The following NKAIN2 variants were observed in gnomAD, a reference collection of about 807,000 sequenced individuals.
NKAIN2 encodes sodium/potassium transporting ATPase interacting 2, also known as sodium/potassium-transporting ATPase subunit beta-1-interacting protein 2.
In NKAIN2, 14 loss-of-function variants were observed where a neutral mutation model predicts 32.6. The observed-to-expected ratio is 0.43, with a 90% CI of 0.28 to 0.67. NKAIN2 has a LOEUF of 0.67. Among genes scored for constraint, NKAIN2 ranks in the 30% least tolerant of loss-of-function variants. The pLI is 0.17. For missense variants in NKAIN2, 198 were observed against 258.3 expected (o/e 0.77, Z 1.60); for synonymous variants, 80 against 87.2 (o/e 0.92, Z 0.46).
intron 1 of NKAIN2, among the ~76,000 whole-genome samples, chr6:124,072,614 A>T (rs1483363931): frequency 4.6e-5 from 7 of 152,128 alleles, no homozygotes. Context: ...CTTATGCCAG[A>T]CCTCTAGGCC....
At chr6:124,569,576 C>T (rs1017380128) in intron 3 of NKAIN2, among the ~76,000 whole-genome samples, 2 of 152,062 alleles carry the variant, frequency 1.3e-5, no homozygotes, top group East Asian at 1.9e-4. Context: ...GAATAAGGCT[C>T]GTGAGATCTG....
At chr6:124,097,990 A>G (rs1784715352) in intron 1 of NKAIN2, among the ~76,000 whole-genome samples, 1 of 152,032 alleles carries the variant, frequency 6.6e-6, no homozygotes, top group Non-Finnish European at 1.5e-5. Context: ...TATTTTTCCC[A>G]AGTTAGTCAC....
At chr6:124,580,346 G>A (rs1258714496) in intron 3 of NKAIN2, among the ~76,000 whole-genome samples, 2 of 152,144 alleles carry the variant, frequency 1.3e-5, no homozygotes, top group Admixed American at 6.6e-5. Flanking sequence ...AAATTAAAAT[G>A]TGGGGAACAA....
intron 1 of NKAIN2, among the ~76,000 whole-genome samples, chr6:123,893,780 T>G (rs957904295): frequency 3.3e-5 from 5 of 152,216 alleles, no homozygotes; most frequent in African/African-American, 1.2e-4. Flanking sequence ...ACCCTTGGCT[T>G]TCATGCCCAT....
intron 4 of NKAIN2, among the ~76,000 whole-genome samples, chr6:124,770,200 G>C (rs1396841555): frequency 6.6e-6 from 1 of 152,066 alleles, no homozygotes; most frequent in Non-Finnish European, 1.5e-5. Flanking sequence ...ATTTAAAACT[G>C]CCTAACTAAA....
intron 3 of NKAIN2, among the ~76,000 whole-genome samples, chr6:124,451,106 A>T (rs953767244): frequency 6.6e-6 from 1 of 152,140 alleles, no homozygotes; most frequent in African/African-American, 2.4e-5. Flanking sequence ...TTTTATCATG[A>T]TTATTCTAGG....
At chr6:124,239,057 G>T (rs770357739) in intron 1 of NKAIN2, among the ~76,000 whole-genome samples, 2 of 152,044 alleles carry the variant, frequency 1.3e-5, no homozygotes, top group African/African-American at 4.8e-5. Context: ...AAAATAAAGG[G>T]ATGGAGGAAT....
At chr6:123,999,842 C>T (rs1436164008) in intron 1 of NKAIN2, among the ~76,000 whole-genome samples, 3 of 151,988 alleles carry the variant, frequency 2.0e-5, no homozygotes, top group Admixed American at 2.0e-4. Context: ...TGGCAGGGTC[C>T]TTGGGATTTC....
At chr6:124,304,158 A>G (rs1051645780) in intron 2 of NKAIN2, among the ~76,000 whole-genome samples, 1 of 152,186 alleles carries the variant, frequency 6.6e-6, no homozygotes, top group Non-Finnish European at 1.5e-5. Flanking sequence ...GACACGGTAG[A>G]TTTGTTTAGT....
intron 3 of NKAIN2, among the ~76,000 whole-genome samples, chr6:124,506,547 T>C (rs935361151): frequency 6.6e-6 from 1 of 152,142 alleles, no homozygotes; most frequent in Non-Finnish European, 1.5e-5. Flanking sequence ...TCCCAGACAG[T>C]AGAATTTAAC....
intron 2 of NKAIN2, among the ~76,000 whole-genome samples, chr6:124,306,313 A>G (rs1427190109): frequency 6.6e-6 from 1 of 152,168 alleles, no homozygotes; most frequent in Admixed American, 6.5e-5. Flanking sequence ...TAGCCTTTAT[A>G]ACTTCAAAAA....
At chr6:124,331,244 A>G (rs1797636966) in intron 2 of NKAIN2, among the ~76,000 whole-genome samples, 1 of 149,616 alleles carries the variant, frequency 6.7e-6, no homozygotes, top group Non-Finnish European at 1.5e-5. Flanking sequence ...GCTCACGCCT[A>G]TAATCCCAGC....
At chr6:124,805,944 G>A (rs1780529274) in intron 5 of NKAIN2, among the ~76,000 whole-genome samples, 1 of 152,132 alleles carries the variant, frequency 6.6e-6, no homozygotes, top group African/African-American at 2.4e-5. Flanking sequence ...AGAGAAAAAA[G>A]AATAAAAAGA....
At chr6:123,878,268 C>T (rs1408433556) in intron 1 of NKAIN2, among the ~76,000 whole-genome samples, 1 of 152,032 alleles carries the variant, frequency 6.6e-6, no homozygotes, top group East Asian at 1.9e-4. Context: ...TAGAAAAATA[C>T]ATAATATTTT....
intron 4 of NKAIN2, among the ~76,000 whole-genome samples, chr6:124,686,911 C>T (rs1773913692): frequency 6.6e-6 from 1 of 151,992 alleles, no homozygotes; most frequent in African/African-American, 2.4e-5. Flanking sequence ...ATCTAATAAG[C>T]TGCCAGCAAA....
chr6:123,972,292 C>T (rs1258737676), intron 1 of NKAIN2, among the ~76,000 whole-genome samples: 1 of 152,204 alleles, frequency 6.6e-6, no homozygotes, highest in African/African-American at 2.4e-5. Context: ...CACCCATAAC[C>T]TCCATATTGT....
chr6:124,032,179 C>T (rs12210338), intron 1 of NKAIN2, among the ~76,000 whole-genome samples: 23,075 of 146,610 alleles, frequency 0.16, 2,239 homozygotes, highest in Admixed American at 0.25. Flanking sequence ...AACCAAACCA[C>T]ATGTTCTCAC....
chr6:124,527,199 T>A (rs907939743), intron 3 of NKAIN2, among the ~76,000 whole-genome samples: 11 of 152,170 alleles, frequency 7.2e-5, no homozygotes, highest in Non-Finnish European at 1.5e-4. Context: ...GCCTATGGAA[T>A]AAGGGAATAA....
chr6:123,808,006 T>C (rs1029179354), intron 1 of NKAIN2, among the ~76,000 whole-genome samples: 2 of 152,186 alleles, frequency 1.3e-5, no homozygotes, highest in African/African-American at 4.8e-5. Context: ...ACATATTTTT[T>C]TTCCTTAAGA....
Sources: gnomAD v4.1 joint callset for allele counts (sites outside exome capture counted in the v4.1 genomes callset) on GRCh38, gnomAD v4.1.1 for gene constraint, MANE v1.5 for transcripts, NCBI Gene and HGNC (gene_info 2026-07-23, HGNC 2026-07-21) for gene names.